CMSS1: variants seen among roughly 807,000 people sequenced by gnomAD.
CMSS1 encodes protein CMSS1.
In CMSS1, 33 loss-of-function variants were observed where a neutral mutation model predicts 43.5. The observed-to-expected ratio is 0.76, with a 90% CI of 0.57 to 1.01. The LOEUF (loss-of-function observed/expected upper bound fraction) is 1.01, where lower values mean the gene tolerates loss of function less well. CMSS1 is among the 50% of genes least tolerant of loss of function. The pLI, the probability that CMSS1 is intolerant of heterozygous loss-of-function variation, is 0.00. For missense variants in CMSS1, 313 were observed against 326.4 expected, an observed-to-expected ratio of 0.96 and a Z score of 0.32; for synonymous variants, 115 against 117.2, an observed-to-expected ratio of 0.98 and a Z score of 0.12.
At chr3:99,901,880 C>T (rs569325360) in intron 1 of CMSS1, among the ~76,000 whole-genome samples, 2 of 152,050 alleles carry the variant, frequency 1.3e-5, no homozygotes, top group African/African-American at 2.4e-5. Flanking sequence ...GTGGTACCAC[C>T]TGCCTTGTCC....
intron 1 of CMSS1, among the ~76,000 whole-genome samples, chr3:100,075,064 T>C (rs1407742486): frequency 6.6e-6 from 1 of 152,174 alleles, no homozygotes; most frequent in African/African-American, 2.4e-5. Context: ...TGCTTATATT[T>C]TTTTAGGATA....
intron 1 of CMSS1, among the ~76,000 whole-genome samples, chr3:99,897,630 G>T (rs1334165677): frequency 2.0e-5 from 3 of 152,186 alleles, no homozygotes; most frequent in African/African-American, 7.2e-5. Context: ...TATTTGAGGA[G>T]AAATCCAGAA....
chr3:99,988,339 TCCAAAA>T (rs1709409514), intron 1 of CMSS1, among the ~76,000 whole-genome samples: 2 of 28,360 alleles, frequency 7.1e-5, no homozygotes, highest in Non-Finnish European at 1.0e-4. Context: ...CTACTAAAAA[TCCAAAA>T]AAAAAAAAAA....
At chr3:99,836,646 C>A (rs994302463) in intron 1 of CMSS1, among the ~76,000 whole-genome samples, 2 of 152,192 alleles carry the variant, frequency 1.3e-5, no homozygotes, top group Admixed American at 6.5e-5. Flanking sequence ...GTGCCCACAT[C>A]CTCTGCACAA....
intron 1 of CMSS1, among the ~76,000 whole-genome samples, chr3:99,950,945 G>A (rs1014641973): frequency 1.3e-5 from 2 of 152,148 alleles, no homozygotes; most frequent in Non-Finnish European, 2.9e-5. Flanking sequence ...AGGGATTATT[G>A]GGTTTGACTC....
At chr3:100,147,632 C>T (rs1018926811) in intron 2 of CMSS1, among the ~76,000 whole-genome samples, 6 of 152,278 alleles carry the variant, frequency 3.9e-5, no homozygotes, top group Admixed American at 2.6e-4. Context: ...TCTTACATCA[C>T]ATTTTTGCCA....
intron 1 of CMSS1, among the ~76,000 whole-genome samples, chr3:99,987,100 T>C (rs2107116717): frequency 6.6e-6 from 1 of 152,034 alleles, no homozygotes; most frequent in Admixed American, 6.6e-5. Context: ...CGTGGTGGCA[T>C]GCACCTGTAG....
rs9861168 is a variant in CMSS1, at chr3:100,053,551, A to C, written c.65-93422A>C. Among the ~76,000 whole-genome samples the C allele has an allele frequency of 5.0e-3, 760 of 152,276 alleles. 5 individuals carry two copies. Among genetic ancestry groups the C allele is most frequent in the African/African-American group, 0.017 (715 of 41,550 alleles). On this transcript the variant is annotated intron_variant, in intron 1 of 9. Transcript: ENST00000421999. ...CCCTAATCCAGTTTGACCTCATCTT[A>C]ACTTGATTACGTCAGCAAACACCCT...
chr3:99,953,529 G>A (rs541292723), intron 1 of CMSS1, among the ~76,000 whole-genome samples: 70 of 152,246 alleles, frequency 4.6e-4, no homozygotes, highest in Non-Finnish European at 6.8e-4. Flanking sequence ...TTCATGCCAC[G>A]TTGGACCATT....
intron 1 of CMSS1, among the ~76,000 whole-genome samples, chr3:99,886,520 G>A (rs1328247661): frequency 2.0e-5 from 3 of 152,152 alleles, no homozygotes; most frequent in South Asian, 2.1e-4. Flanking sequence ...CATGGACCAC[G>A]GCTTGGACAA....
intron 2 of CMSS1, 55 bp downstream of exon 2, chr3:100,147,116 C>T (rs920156531): frequency 6.3e-7 from 1 of 1,599,720 alleles, no homozygotes; most frequent in East Asian, 2.2e-5. Context: ...TCAGCCTTTT[C>T]CTCCTCTCTA....
At chr3:100,096,442 A>C (rs1040997405) in intron 1 of CMSS1, among the ~76,000 whole-genome samples, 3 of 152,264 alleles carry the variant, frequency 2.0e-5, no homozygotes, top group Non-Finnish European at 4.4e-5. Flanking sequence ...AAAGATAATG[A>C]GATCCTGTCA....
At position 100,178,591 on chromosome 3, in the gene CMSS1, G is replaced by A. The variant is rs775862021; in HGVS notation, c.*203G>A. 45 of 488,060 alleles carry A rather than the reference G, an allele frequency of 9.2e-5. 1 individual carries two copies. Among genetic ancestry groups the A allele is most frequent in the African/African-American group, 2.1e-4 (11 of 51,438 alleles). The allele number at this position is 488,060 out of a possible 1,614,324, so 30.2% of individuals were successfully genotyped here. On this transcript the variant is annotated 3_prime_UTR_variant, in exon 10 of 10. Coordinates refer to ENST00000421999, the MANE Select transcript of CMSS1 (RefSeq NM_032359.4). ...CTCTCTTATATAATAAAGTATCACC[G>A]GCTTGTGTATGATCCTTGTTGAGCG...
chr3:100,171,809 C>T, intron 6 of CMSS1, 30 bp from the exon 7 acceptor site: 1 of 1,604,486 alleles, frequency 6.2e-7, no homozygotes, highest in Non-Finnish European at 8.5e-7. Flanking sequence ...AGTTGGTTTT[C>T]TTAAGCATTC....
intron 1 of CMSS1, among the ~76,000 whole-genome samples, chr3:100,029,070 G>T (rs1300299665): frequency 6.6e-6 from 1 of 151,894 alleles, no homozygotes; most frequent in Non-Finnish European, 1.5e-5. Flanking sequence ...CATGCCTATT[G>T]TCCCAAGCTA....
chr3:100,144,098 A>G (rs1372913698), intron 1 of CMSS1, among the ~76,000 whole-genome samples: 7 of 152,064 alleles, frequency 4.6e-5, no homozygotes, highest in Admixed American at 1.3e-4. Flanking sequence ...AAATCTGTGT[A>G]TACGTTTTTT....
chr3:99,866,923 T>C (rs537028993), intron 1 of CMSS1, among the ~76,000 whole-genome samples: 1 of 152,342 alleles, frequency 6.6e-6, no homozygotes, highest in African/African-American at 2.4e-5. Context: ...AAATTAAAAT[T>C]ATTTTGGTTA....
intron 1 of CMSS1, among the ~76,000 whole-genome samples, chr3:100,059,465 A>AT (rs771283886): frequency 1.6e-4 from 24 of 151,040 alleles, no homozygotes; most frequent in East Asian, 1.2e-3. Context: ...TTCAGGAAGC[A>AT]TTTTTTTTTA....
chr3:99,867,108 CT>C (rs1212128094), intron 1 of CMSS1, among the ~76,000 whole-genome samples: 1 of 152,162 alleles, frequency 6.6e-6, no homozygotes, highest in Non-Finnish European at 1.5e-5. Context: ...GGATATTAAG[CT>C]TGCATAGCAA....
Sources: gnomAD v4.1 joint callset for allele counts (sites outside exome capture counted in the v4.1 genomes callset) on GRCh38, gnomAD v4.1.1 for gene constraint, MANE v1.5 for transcripts, NCBI Gene and HGNC (gene_info 2026-07-23, HGNC 2026-07-21) for gene names.